The following CLK1 variants were observed in gnomAD, a reference collection of about 807,000 sequenced individuals.
CLK1 encodes the protein CDC like kinase 1, also known as dual specificity protein kinase CLK1.
In CLK1, 40 loss-of-function variants were observed where a neutral mutation model predicts 60.9. The ratio of observed to expected loss-of-function variants is 0.66; its 90% confidence interval spans 0.51 to 0.86. The LOEUF is 0.86. Ranked by LOEUF, CLK1 falls within the 40% of genes least tolerant of loss-of-function variation. The pLI, the probability that CLK1 is intolerant of heterozygous loss-of-function variation, is 0.00. For missense variants in CLK1, 563 were observed against 606.1 expected (o/e 0.93, Z 0.75); for synonymous variants, 203 against 184.4 (o/e 1.10, Z -0.82).
At chr2:200,858,451 C>A (rs567744077) in intron 5 of CLK1, among the ~76,000 whole-genome samples, 1 of 152,354 alleles carries the variant, frequency 6.6e-6, no homozygotes, top group African/African-American at 2.4e-5. Flanking sequence ...AATCCCAGCA[C>A]TTTGGGAGGC....
At position 200,860,234 on chromosome 2, in the gene CLK1, C is replaced by T. The variant is rs980991822; in HGVS notation, c.391-19G>A. 8.7e-6 allele frequency: 14 copies of T among 1,613,354 alleles called. No individual in the cohort carries two copies. The highest frequency in any genetic ancestry group is 1.7e-4 in the Middle Eastern group (1 of 6,060). On this transcript the variant is annotated intron_variant, in intron 3 of 12. Transcript: ENST00000321356. ...GACTCTTCTGGAAACGTCAAGTGGG[C>T]GGCACCAAGATCATCCAGCCAATCA...
chr2:200,864,005 C>T, intron 1 of CLK1: 4 of 1,355,994 alleles, frequency 2.9e-6, no homozygotes, highest in Non-Finnish European at 2.9e-6. Context: ...TTGTTAACAC[C>T]ACTGAGGACA....
In CLK1 at chr2:200,861,425, T is replaced by C; in HGVS notation, c.203A>G (p.His68Arg). The C allele has an allele frequency of 1.2e-6, 2 of 1,614,008 alleles. No individual in the cohort carries two copies. Among genetic ancestry groups the C allele is most frequent in the African/African-American group, 1.3e-5 (1 of 75,052 alleles). ...GTACTCATCAATGTAGCGTCGACTATGATAATCTTTCTCATTTATAGACCT... is the reference window on the plus strand; with the variant it reads ...GTACTCATCAATGTAGCGTCGACTACGATAATCTTTCTCATTTATAGACCT... ...ESRSINEKDY[H>R]SRRYIDEYRN... The change falls in exon 3 of 13, where the codon CAT becomes CGT. Residue 68 changes from histidine (H) to arginine (R), a missense_variant. Coordinates refer to ENST00000321356, the MANE Select transcript of CLK1 (RefSeq NM_004071.4).
At chr2:200,854,582 G>C in intron 11 of CLK1, 34 bp downstream of exon 11, 1 of 1,185,622 alleles carries the variant, frequency 8.4e-7, no homozygotes, top group Non-Finnish European at 1.3e-6. Context: ...GTGATCAAAT[G>C]ATACTAAGGA....
At chr2:200,855,620 G>GCCCC (rs34317941) in intron 9 of CLK1, among the ~76,000 whole-genome samples, 6 of 147,570 alleles carry the variant, frequency 4.1e-5, no homozygotes, top group Non-Finnish European at 7.5e-5. Flanking sequence ...GCAAGACTCC[G>GCCCC]CCCCCCCCCC....
rs1040987624 is a variant in CLK1 at position 200,864,264 on chromosome 2, C to T, written c.-1+300G>A. ...CCGAGGCGGTTCACAACATGGCGCC[C>T]GCCCGACCGTCCCGCGTCAGGCGGC... On this transcript the variant is annotated intron_variant, in intron 1 of 12. Coordinates refer to ENST00000321356, the MANE Select transcript of CLK1 (RefSeq NM_004071.4). 5 of 1,505,736 alleles carry T rather than the reference C, an allele frequency of 3.3e-6. No homozygotes were observed. In the Admixed American group the frequency reaches 1.2e-4, roughly 35 times the overall value. The allele number at this position is 1,505,736 out of a possible 1,614,324, so 93.3% of individuals were successfully genotyped here. A position where few individuals can be genotyped will look rare whatever the true frequency, so the allele number is the denominator to read the frequency against.
intron 3 of CLK1, 149 bp downstream of exon 3, chr2:200,861,089 T>A: frequency 6.9e-7 from 1 of 1,441,956 alleles, no homozygotes; most frequent in Non-Finnish European, 9.1e-7. Context: ...GAATTTCCTA[T>A]CCAATGCACA....
At chr2:200,863,392 C>G (rs1416134725) in intron 1 of CLK1, 1 of 151,766 alleles carries the variant, frequency 6.6e-6, no homozygotes, top group Non-Finnish European at 1.5e-5. Flanking sequence ...GACCCCGCCT[C>G]TATAAAAAAT....
At chr2:200,854,849 G>A (rs1207115382) in intron 10 of CLK1, 154 bp from the exon 11 acceptor site, 7 of 774,958 alleles carry the variant, frequency 9.0e-6, no homozygotes, top group Non-Finnish European at 1.5e-5. Context: ...ACTGAAAGAT[G>A]TTTTAAATAA....
intron 2 of CLK1, 34 bp from the exon 3 acceptor site, chr2:200,861,500 G>T (rs1575080984): frequency 6.2e-7 from 1 of 1,605,560 alleles, no homozygotes; most frequent in Non-Finnish European, 8.5e-7. Context: ...AATGTTTTAT[G>T]CTAAGACCAA....
At chr2:200,863,485 A>T (rs2039176221) in intron 1 of CLK1, among the ~76,000 whole-genome samples, 1 of 152,026 alleles carries the variant, frequency 6.6e-6, no homozygotes, top group Non-Finnish European at 1.5e-5. Context: ...CTGAGCCCAG[A>T]TGTCGAAGCT....
In CLK1 at chr2:200,857,842, G is replaced by A. The variant is rs773340050; in HGVS notation, c.708C>T (p.His236=). The change falls in exon 7 of 13, where the codon CAC becomes CAT. Residue 236 remains histidine (H), a synonymous_variant. Transcript: ENST00000321356. ...CCAATAGTTCAAAAACAATGCAAAT[G>A]TGACCATGATGCTCAAACCATTCCA... ...QMLEWFEHHG[H]ICIVFELLGL... 2.5e-5 allele frequency: 40 copies of A among 1,613,688 alleles called. No homozygotes were observed. Among genetic ancestry groups the A allele is most frequent in the Middle Eastern group, 1.6e-4 (1 of 6,082 alleles).
At chr2:200,854,727 G>T in intron 10 of CLK1, 32 bp from the exon 11 acceptor site, 2 of 1,450,332 alleles carry the variant, frequency 1.4e-6, no homozygotes, top group Non-Finnish European at 1.9e-6. Context: ...ACTTGGGGAA[G>T]ATGACCACCA....
In CLK1 at chr2:200,861,817, C is replaced by A. The variant is rs1166146935; in HGVS notation, c.46G>T (p.Asp16Tyr). 4.3e-6 allele frequency: 7 copies of A among 1,614,082 alleles called. No individual in the cohort carries two copies. In the Middle Eastern group the frequency reaches 9.9e-4, roughly 228 times the overall value. The stretch of plus-strand genomic sequence containing the variant: ...CTCCTCCATTTTCCATAATCCCAAT[C>A]CTTGTCATCCCAATCAGGACAGTAA... ...RTYCPDWDDK[D>Y]WDYGKWRSSS... Residue 16 changes from aspartate (D) to tyrosine (Y), a missense_variant, in exon 2 of 13, where the codon GAT becomes TAT. Asp to Tyr is a radical substitution (Grantham distance 160, BLOSUM62 -3). Transcript: ENST00000321356.
In CLK1 at chr2:200,857,775, G is replaced by A; in HGVS notation, c.775C>T (p.Pro259Ser). 1.2e-6 allele frequency: 2 copies of A among 1,612,994 alleles called. No individual in the cohort carries two copies. Among genetic ancestry groups the A allele is most frequent in the Non-Finnish European group, 1.7e-6 (2 of 1,179,438 alleles). ...YDFIKENGFL[P>S]FRLDHIRKMA... ...TTTCTGATATGATCCAGTCGAAATG[G>A]TAGAAAACCATTTTCTTTAATGAAG... Residue 259 changes from proline (P) to serine (S), a missense_variant, in exon 7 of 13, where the codon CCA becomes TCA. Physicochemically the swap from Pro to Ser is moderately conservative, Grantham distance 74. Coordinates refer to ENST00000321356, the MANE Select transcript of CLK1 (RefSeq NM_004071.4).
Position 200,855,183 on chromosome 2 carries a change from CATGTA to C in CLK1, c.1058-102_1058-98del, listed in dbSNP as rs747383341. ...CACTAATACTTTAAAAAAAAAAACA[CATGTA>C]ATGTAGGCTGGGCACAGTGGCTCAC... is the stretch of plus-strand genomic sequence containing the variant. On this transcript the variant is annotated intron_variant, in intron 9 of 12. Transcript: ENST00000321356. 5.6e-6 allele frequency: 5 copies of C among 888,336 alleles called. No individual in the cohort carries two copies. The East Asian group carries it at 1.1e-4, about 19-fold the overall frequency. The allele number at this position is 888,336 out of a possible 1,614,324, so 55.0% of individuals were successfully genotyped here. A position where few individuals can be genotyped will look rare whatever the true frequency, so the allele number is the denominator to read the frequency against.
At position 200,861,363 on chromosome 2, in the gene CLK1, G is replaced by C. The variant is rs995930004; in HGVS notation, c.265C>G (p.Arg89Gly). 6.2e-7 allele frequency: 1 copy of C among 1,613,910 alleles called. No individual in the cohort carries two copies. The highest frequency in any genetic ancestry group is 1.3e-5 in the African/African-American group (1 of 74,872). ...TACCGGCTTTCATGGTCTCTTTGGC[G>C]ATGTCCAGGTTCACATCCTTGAGTG... ...DYTQGCEPGH[R>G]QRDHESRYQN... Residue 89 changes from arginine to glycine, a missense_variant, in exon 3 of 13, where the codon CGC becomes GGC. Transcript: ENST00000321356.
At position 200,856,913 on chromosome 2, in the gene CLK1, G is replaced by A; in HGVS notation, c.905C>T (p.Thr302Ile). The A allele has an allele frequency of 6.2e-7, 1 of 1,614,158 alleles. No homozygotes were observed. Among genetic ancestry groups the A allele is most frequent in the Non-Finnish European group, 8.5e-7 (1 of 1,179,972 alleles). Residue 302 changes from threonine to isoleucine, a missense_variant, in exon 8 of 13, where the codon ACA (threonine) becomes ATA (isoleucine). Physicochemically the swap from Thr to Ile is moderately conservative, Grantham distance 89. Coordinates refer to ENST00000321356, the MANE Select transcript of CLK1 (RefSeq NM_004071.4). ...TACTATTTTGGGATTATACGCCTCTGTGTAGTCAGACTGCACAAATAAGAT... is the reference window on the plus strand; with the variant it reads ...TACTATTTTGGGATTATACGCCTCTATGTAGTCAGACTGCACAAATAAGAT... ...ENILFVQSDY[T>I]EAYNPKIKRD...
chr2:200,856,784 GATTT>G lies in CLK1; in HGVS notation c.951_954del (p.Asn318GlnfsTer6), dbSNP rs1280792568. 5 of 1,613,478 alleles carry G rather than the reference GATTT, an allele frequency of 3.1e-6. No homozygotes were observed. The highest frequency in any genetic ancestry group is 4.2e-6 in the Non-Finnish European group (5 of 1,179,794). On this transcript the variant is annotated frameshift_variant, in exon 9 of 13. Transcript: ENST00000321356. LOFTEE classifies it high-confidence loss of function. Reference sequence around the variant, plus strand: ...CCAAAGTCTACAACTTTAATATCTGGATTTATTAAGGTGCGTTCATCACGTTTCT... The same window carrying G: ...CCAAAGTCTACAACTTTAATATCTGGATTAAGGTGCGTTCATCACGTTTCT...
Sources: gnomAD v4.1 joint callset for allele counts (sites outside exome capture counted in the v4.1 genomes callset) on GRCh38, gnomAD v4.1.1 for gene constraint, MANE v1.5 for transcripts, NCBI Gene and HGNC (gene_info 2026-07-23, HGNC 2026-07-21) for gene names.